FAM193A: variants seen among roughly 807,000 people sequenced by gnomAD.
The protein encoded by FAM193A is family with sequence similarity 193 member A.
Under a neutral mutation model 126.5 loss-of-function variants are expected in FAM193A, and 22 were observed. The observed-to-expected ratio is 0.17, with a 90% CI of 0.12 to 0.25. The LOEUF is 0.25. Ranked by LOEUF, FAM193A falls within the 10% of genes least tolerant of loss-of-function variation. The pLI is 1.00. For synonymous variants in FAM193A, 761 were observed against 646.8 expected (o/e 1.18, Z -2.68); for missense variants, 1,675 against 1,672.8 (o/e 1.00, Z -0.02).
chr4:2,614,041 G>A (rs1259357267), intron 2 of FAM193A, among the ~76,000 whole-genome samples: 2 of 152,172 alleles, frequency 1.3e-5, no homozygotes, highest in African/African-American at 2.4e-5. Flanking sequence ...CCAAAGTGCT[G>A]GGATTACAGG....
At chr4:2,709,929 T>C (rs993810674) in intron 19 of FAM193A, among the ~76,000 whole-genome samples, 3 of 152,180 alleles carry the variant, frequency 2.0e-5, no homozygotes, top group African/African-American at 7.2e-5. Flanking sequence ...GTAAACCATC[T>C]TTCTGTAGTA....
At chr4:2,567,783 T>C (rs1460666568) in intron 1 of FAM193A, among the ~76,000 whole-genome samples, 2 of 152,292 alleles carry the variant, frequency 1.3e-5, no homozygotes, top group East Asian at 1.9e-4. Context: ...ACTCAGGATA[T>C]GTGTGCTCAG....
At chr4:2,560,584 A>G (rs566048930) in intron 1 of FAM193A, among the ~76,000 whole-genome samples, 1 of 151,996 alleles carries the variant, frequency 6.6e-6, no homozygotes, top group Non-Finnish European at 1.5e-5. Flanking sequence ...GCATCTATCC[A>G]TTTTTCCAAA....
Position 2,572,314 on chromosome 4 carries a change from G to C in FAM193A, c.256-23770G>C, listed in dbSNP as rs1477631401. On this transcript the variant is annotated intron_variant, in intron 1 of 20. Transcript: ENST00000637812. Reference sequence around the variant, plus strand: ...ACTGGACTGCAGCCTAGGCGACAGAGTGAGACTTCATCTCAAAAAAAAAAA... The same window carrying C: ...ACTGGACTGCAGCCTAGGCGACAGACTGAGACTTCATCTCAAAAAAAAAAA... Among the ~76,000 whole-genome samples the C allele has an allele frequency of 2.8e-5, 4 of 143,898 alleles. No homozygotes were observed. In the Admixed American group the frequency reaches 2.8e-4, roughly 10 times the overall value. 94.4% of individuals were successfully genotyped at this position (143,898 alleles called of 152,430 possible).
At chr4:2,727,620 C>T (rs189990620) in intron 20 of FAM193A, among the ~76,000 whole-genome samples, 57 of 152,296 alleles carry the variant, frequency 3.7e-4, no homozygotes, top group Admixed American at 2.7e-3. Context: ...ACCCATTTGT[C>T]ATCTTTTCTA....
intron 13 of FAM193A, among the ~76,000 whole-genome samples, chr4:2,682,593 C>CT (rs1237461995): frequency 6.6e-6 from 1 of 152,088 alleles, no homozygotes; most frequent in African/African-American, 2.4e-5. Flanking sequence ...CATTATGAGT[C>CT]TTTTTCTGCC....
intron 20 of FAM193A, among the ~76,000 whole-genome samples, chr4:2,725,856 C>T (rs916803860): frequency 1.3e-5 from 2 of 151,894 alleles, no homozygotes; most frequent in African/African-American, 2.4e-5. Flanking sequence ...GGACTACAGG[C>T]GTGGGCCACC....
chr4:2,720,447 TTTG>T (rs1306528831), intron 20 of FAM193A, among the ~76,000 whole-genome samples: 5 of 151,978 alleles, frequency 3.3e-5, no homozygotes, highest in Non-Finnish European at 7.4e-5. Context: ...AGCCCAGGAG[TTTG>T]AGACCAGCCT....
chr4:2,672,564 C>T (rs1713944220), intron 13 of FAM193A, among the ~76,000 whole-genome samples, 192 bp downstream of exon 13: 1 of 152,184 alleles, frequency 6.6e-6, no homozygotes, highest in Admixed American at 6.5e-5. Context: ...ACAGTTGTAA[C>T]AATCATTAAA....
intron 19 of FAM193A, among the ~76,000 whole-genome samples, chr4:2,711,272 CCTCTG>C (rs993478544): frequency 9.2e-5 from 14 of 152,104 alleles, no homozygotes; most frequent in East Asian, 1.9e-4. Context: ...GTGGAACTTT[CCTCTG>C]ATCTTTTTCT....
chr4:2,673,517 G>C (rs1714060240), intron 13 of FAM193A, among the ~76,000 whole-genome samples: 1 of 152,158 alleles, frequency 6.6e-6, no homozygotes, highest in African/African-American at 2.4e-5. Flanking sequence ...CCAAATTCAT[G>C]CTTAAATTTT....
chr4:2,589,108 G>A (rs1189015930), intron 1 of FAM193A, among the ~76,000 whole-genome samples: 1 of 152,048 alleles, frequency 6.6e-6, no homozygotes, highest in East Asian at 1.9e-4. Flanking sequence ...GTTTTCTTCT[G>A]GATAAGTAGC....
intron 20 of FAM193A, among the ~76,000 whole-genome samples, chr4:2,726,574 ACAGCAT>A (rs1236086511): frequency 6.6e-6 from 1 of 151,698 alleles, no homozygotes; most frequent in Non-Finnish European, 1.5e-5. Flanking sequence ...CCTAAATTAC[ACAGCAT>A]GCTTTTAAAA....
chr4:2,576,587 CTCCCAGGCTGGAGAACAATGATGCTATTG>C (rs1739602601), intron 1 of FAM193A, among the ~76,000 whole-genome samples: 1 of 152,180 alleles, frequency 6.6e-6, no homozygotes, highest in Non-Finnish European at 1.5e-5. Context: ...CTGCCTCTGT[CTCCCAGGCTGGAGAACAATGATGCTATTG>C]TGACAGCCTC....
rs572763927 is a variant in FAM193A, at chr4:2,688,484, A to C, written c.2332-1022A>C. Among the ~76,000 whole-genome samples, 29 of 152,114 alleles carry C rather than the reference A, an allele frequency of 1.9e-4. No individual in the cohort carries two copies. In the East Asian group the frequency reaches 5.7e-3, roughly 30 times the overall value. On this transcript the variant is annotated intron_variant, in intron 13 of 20. Transcript: ENST00000637812. ...AGAGCATGGACACAGCACAAGCAGA[A>C]CTTAGGGCCAAGAAGGTGAATAGGC... is the stretch of plus-strand genomic sequence containing the variant.
At chr4:2,631,986 GT>G (rs1004012452) in intron 5 of FAM193A, among the ~76,000 whole-genome samples, 1 of 152,086 alleles carries the variant, frequency 6.6e-6, no homozygotes. Context: ...TTGGGTGCTA[GT>G]TTTGGGTGCT....
At chr4:2,687,161 C>G (rs753757453) in intron 13 of FAM193A, among the ~76,000 whole-genome samples, 1 of 152,098 alleles carries the variant, frequency 6.6e-6, no homozygotes, top group Non-Finnish European at 1.5e-5. Context: ...GGAGTGCTTC[C>G]TCTCTGCTCC....
intron 17 of FAM193A, 88 bp from the exon 18 acceptor site, chr4:2,696,275 T>C (rs1717024231): frequency 1.2e-6 from 1 of 838,600 alleles, no homozygotes; most frequent in Admixed American, 2.5e-5. Flanking sequence ...ACTTGAGTAA[T>C]AAAACAGTTT....
chr4:2,624,257 A>C (rs1202617820), intron 2 of FAM193A, among the ~76,000 whole-genome samples: 1 of 151,852 alleles, frequency 6.6e-6, no homozygotes, highest in Non-Finnish European at 1.5e-5. Flanking sequence ...GCTCACTGCA[A>C]CCTCAGCCTC....
Sources: gnomAD v4.1 joint callset for allele counts (sites outside exome capture counted in the v4.1 genomes callset) on GRCh38, gnomAD v4.1.1 for gene constraint, MANE v1.5 for transcripts, NCBI Gene and HGNC (gene_info 2026-07-23, HGNC 2026-07-21) for gene names.